Variants in CDH12 observed in about 807,000 individuals in gnomAD.
The protein encoded by CDH12 is cadherin-12.
CDH12 carries 41 observed loss-of-function variants against 74.1 expected under a neutral mutation model. The ratio of observed to expected loss-of-function variants is 0.55; its 90% CI spans 0.43 to 0.72. The LOEUF (loss-of-function observed/expected upper bound fraction) is 0.72. CDH12 is among the 30% of genes least tolerant of loss of function. CDH12 has a pLI of 0.00. For missense variants in CDH12, 945 were observed against 977.2 expected (o/e 0.97, Z 0.44); for synonymous variants, 399 against 355.0 (o/e 1.12, Z -1.39).
chr5:21,833,813 G>T (rs1356783766), intron 8 of CDH12, among the ~76,000 whole-genome samples: 3 of 151,612 alleles, frequency 2.0e-5, no homozygotes, highest in Non-Finnish European at 4.4e-5. Context: ...TCCCTCACTG[G>T]GGATATGGGA....
intron 5 of CDH12, among the ~76,000 whole-genome samples, chr5:22,028,593 T>C (rs958789709): frequency 2.6e-5 from 4 of 152,070 alleles, no homozygotes; most frequent in Non-Finnish European, 5.9e-5. Context: ...TACAAACCAC[T>C]GCTCAATGAA....
chr5:21,905,364 G>A (rs539063302), intron 6 of CDH12, among the ~76,000 whole-genome samples: 2 of 152,314 alleles, frequency 1.3e-5, no homozygotes, highest in East Asian at 1.9e-4. Flanking sequence ...ATTTTAGCAC[G>A]AACTTTTGAT....
intron 3 of CDH12, among the ~76,000 whole-genome samples, chr5:22,254,119 C>G (rs1332493018): frequency 1.3e-5 from 2 of 151,688 alleles, no homozygotes; most frequent in African/African-American, 4.8e-5. Flanking sequence ...ATTTTGTTGT[C>G]CCTTTGCTCT....
At chr5:22,025,256 T>G (rs1053060072) in intron 5 of CDH12, among the ~76,000 whole-genome samples, 15 of 152,148 alleles carry the variant, frequency 9.9e-5, no homozygotes, top group African/African-American at 3.6e-4. Context: ...ACTCTTTATA[T>G]TTATTGATAA....
chr5:22,340,546 T>G (rs1375720899), intron 3 of CDH12, among the ~76,000 whole-genome samples: 2 of 151,184 alleles, frequency 1.3e-5, no homozygotes, highest in Admixed American at 1.3e-4. Context: ...AAAAAATCTG[T>G]TTTTCAAACT....
chr5:22,815,895 G>T (rs1749372579), intron 1 of CDH12, among the ~76,000 whole-genome samples: 1 of 151,884 alleles, frequency 6.6e-6, no homozygotes, highest in Admixed American at 6.6e-5. Context: ...AAGAAATTAA[G>T]TGGGTTATAG....
At chr5:22,753,309 C>A (rs1397403827) in intron 1 of CDH12, among the ~76,000 whole-genome samples, 1 of 151,282 alleles carries the variant, frequency 6.6e-6, no homozygotes, top group Non-Finnish European at 1.5e-5. Flanking sequence ...CGGTGGCGGG[C>A]GCCTGTAGTC....
At chr5:22,752,378 C>A (rs919652465) in intron 1 of CDH12, among the ~76,000 whole-genome samples, 3 of 151,506 alleles carry the variant, frequency 2.0e-5, no homozygotes, top group Non-Finnish European at 2.9e-5. Context: ...GCTATACTAA[C>A]AATGAGTTTC....
At chr5:21,801,422 G>GA (rs1313456187) in intron 10 of CDH12, among the ~76,000 whole-genome samples, 1 of 152,166 alleles carries the variant, frequency 6.6e-6, no homozygotes, top group Non-Finnish European at 1.5e-5. Context: ...GCACGCGGCA[G>GA]AAAATTCAAG....
chr5:22,253,227 C>T (rs960229866), intron 3 of CDH12, among the ~76,000 whole-genome samples: 1 of 151,662 alleles, frequency 6.6e-6, no homozygotes, highest in Admixed American at 6.6e-5. Context: ...AATAATAATA[C>T]ATATTTAGAA....
chr5:21,812,353 T>C (rs1747794569), intron 9 of CDH12, among the ~76,000 whole-genome samples: 2 of 152,114 alleles, frequency 1.3e-5, no homozygotes, highest in African/African-American at 4.8e-5. Context: ...ATCAGAATTC[T>C]TGTATTGCAA....
At chr5:22,739,001 G>A (rs962621687) in intron 1 of CDH12, among the ~76,000 whole-genome samples, 1 of 151,920 alleles carries the variant, frequency 6.6e-6, no homozygotes. Context: ...ATTTTGGTGT[G>A]CCCTTTTTAT....
intron 2 of CDH12, among the ~76,000 whole-genome samples, chr5:22,419,486 G>A (rs1433732760): frequency 6.6e-6 from 1 of 151,940 alleles, no homozygotes; most frequent in East Asian, 1.9e-4. Context: ...TCATGATCTT[G>A]TTCCTATGGC....
chr5:21,904,245 T>C (rs1181971634), intron 6 of CDH12, among the ~76,000 whole-genome samples: 1 of 152,132 alleles, frequency 6.6e-6, no homozygotes, highest in East Asian at 1.9e-4. Flanking sequence ...TTACCTACCA[T>C]GCATCCTGTT....
chr5:22,639,890 A>T (rs1219904356), intron 1 of CDH12, among the ~76,000 whole-genome samples: 1 of 152,162 alleles, frequency 6.6e-6, no homozygotes, highest in Non-Finnish European at 1.5e-5. Context: ...CTTACAGTCA[A>T]CCTATTAATC....
intron 3 of CDH12, among the ~76,000 whole-genome samples, chr5:22,390,610 A>C (rs1026667811): frequency 6.7e-6 from 1 of 149,124 alleles, no homozygotes; most frequent in Non-Finnish European, 1.5e-5. Flanking sequence ...AGATAGATAG[A>C]TAGATAGATA....
intron 6 of CDH12, among the ~76,000 whole-genome samples, chr5:21,932,333 A>G (rs1754877947): frequency 2.6e-5 from 4 of 152,222 alleles, no homozygotes; most frequent in Admixed American, 2.6e-4. Flanking sequence ...TCTAAAAATG[A>G]AATAAGAATT....
intron 1 of CDH12, among the ~76,000 whole-genome samples, chr5:22,576,712 G>A (rs762873448): frequency 1.3e-5 from 2 of 150,780 alleles, no homozygotes; most frequent in Non-Finnish European, 3.0e-5. Context: ...CCAAGGAGGC[G>A]ATGGTCCTTG....
chr5:22,684,340 T>C (rs1741650357), intron 1 of CDH12, among the ~76,000 whole-genome samples: 1 of 152,220 alleles, frequency 6.6e-6, no homozygotes, highest in African/African-American at 2.4e-5. Context: ...TATTTTATAA[T>C]ATACAATTAA....
Sources: gnomAD v4.1 joint callset for allele counts (sites outside exome capture counted in the v4.1 genomes callset) on GRCh38, gnomAD v4.1.1 for gene constraint, MANE v1.5 for transcripts, NCBI Gene and HGNC (gene_info 2026-07-23, HGNC 2026-07-21) for gene names.